NHSL1: variants seen among roughly 807,000 people sequenced by gnomAD.
NHSL1 encodes the protein NHS-like protein 1.
Under a neutral mutation model 95.0 loss-of-function variants are expected in NHSL1, and 48 were observed. That is an observed-to-expected ratio of 0.51 (90% confidence interval 0.40 to 0.64). The LOEUF is 0.64. Among genes scored for constraint, NHSL1 ranks in the 30% least tolerant of loss-of-function variants. NHSL1 has a pLI of 0.00. For missense variants in NHSL1, 1,971 were observed against 2,077.7 expected (o/e 0.95, Z 1.00); for synonymous variants, 783 against 833.9 (o/e 0.94, Z 1.05).
chr6:138,446,821 T>C (rs1776892302), intron 4 of NHSL1, 180 bp downstream of exon 4: 1 of 616,360 alleles, frequency 1.6e-6, no homozygotes, highest in Admixed American at 3.0e-5. Flanking sequence ...CAACAAGCAG[T>C]AGACATTTTA....
intron 1 of NHSL1, among the ~76,000 whole-genome samples, chr6:138,597,097 G>A (rs537821691): frequency 1.3e-5 from 2 of 152,250 alleles, no homozygotes; most frequent in African/African-American, 4.8e-5. Context: ...GGAGGCAGAG[G>A]CTGCAGTGAG....
intron 1 of NHSL1, among the ~76,000 whole-genome samples, chr6:138,626,755 G>A (rs1784743437): frequency 8.6e-6 from 1 of 116,694 alleles, no homozygotes; most frequent in Middle Eastern, 3.9e-3. Context: ...TTAGCCGGGC[G>A]TAGTGGCGGG....
chr6:138,657,509 T>C (rs1054698557), intron 1 of NHSL1, among the ~76,000 whole-genome samples: 13 of 151,844 alleles, frequency 8.6e-5, no homozygotes, highest in African/African-American at 2.9e-4. Flanking sequence ...ATGAACTAAA[T>C]ATAGGTAAGA....
intron 1 of NHSL1, among the ~76,000 whole-genome samples, chr6:138,529,882 C>G (rs1038462889): frequency 6.6e-6 from 1 of 152,146 alleles, no homozygotes; most frequent in Non-Finnish European, 1.5e-5. Flanking sequence ...TGAAAAGTCC[C>G]TTTTTGCCAT....
intron 1 of NHSL1, among the ~76,000 whole-genome samples, chr6:138,601,881 C>T (rs1583443391): frequency 6.6e-6 from 1 of 151,936 alleles, no homozygotes; most frequent in Non-Finnish European, 1.5e-5. Context: ...TATTTAATAA[C>T]AAAAACAAAA....
chr6:138,657,234 C>T (rs537275437), intron 1 of NHSL1, among the ~76,000 whole-genome samples: 45 of 152,320 alleles, frequency 3.0e-4, no homozygotes, highest in African/African-American at 1.1e-3. Flanking sequence ...CATTCAGGAC[C>T]TGGCTCCTCC....
intron 5 of NHSL1, among the ~76,000 whole-genome samples, chr6:138,438,879 G>GTT (rs1375701990): frequency 2.3e-4 from 35 of 151,902 alleles, no homozygotes; most frequent in Admixed American, 2.0e-3. Flanking sequence ...GTAGCCAAGT[G>GTT]TTATATATAT....
chr6:138,508,435 T>C (rs1195645440), intron 1 of NHSL1, among the ~76,000 whole-genome samples: 1 of 152,246 alleles, frequency 6.6e-6, no homozygotes, highest in African/African-American at 2.4e-5. Flanking sequence ...GGAGATTTCA[T>C]AGGCCCCTAG....
intron 3 of NHSL1, among the ~76,000 whole-genome samples, chr6:138,449,576 T>C (rs374340788): frequency 5.9e-5 from 9 of 151,774 alleles, no homozygotes; most frequent in East Asian, 3.9e-4. Context: ...ACTCGGGAGG[T>C]TAAGGCAGGA....
chr6:138,460,216 G>A (rs1307601361), intron 3 of NHSL1, among the ~76,000 whole-genome samples: 3 of 151,856 alleles, frequency 2.0e-5, no homozygotes, highest in South Asian at 2.1e-4. Flanking sequence ...TGATGTAAAC[G>A]TTTGATAAGA....
At chr6:138,535,302 A>G (rs1019840170) in intron 1 of NHSL1, among the ~76,000 whole-genome samples, 1 of 152,156 alleles carries the variant, frequency 6.6e-6, no homozygotes, top group South Asian at 2.1e-4. Flanking sequence ...AGTGGCTCAC[A>G]CCTATAATTC....
At chr6:138,678,606 C>G (rs183905430) in intron 1 of NHSL1, among the ~76,000 whole-genome samples, 1 of 152,280 alleles carries the variant, frequency 6.6e-6, no homozygotes, top group Admixed American at 6.5e-5. Flanking sequence ...AGTATTTAAA[C>G]ACATTACAGA....
chr6:138,567,894 C>A (rs1027802134), intron 1 of NHSL1, among the ~76,000 whole-genome samples: 1 of 152,184 alleles, frequency 6.6e-6, no homozygotes, highest in Non-Finnish European at 1.5e-5. Context: ...TATCTGCTGA[C>A]CTGCCAATAC....
chr6:138,433,621 A>C lies in NHSL1; in HGVS notation c.724T>G (p.Ser242Ala). ...CAGCTATTGAACCTTCCTAGTGTAG[A>C]GTAGTGATCAGGGGTGTACACTGAG... ...GHSVYTPDHYSTLGRFNSCRS... is the reference protein window; with the variant it reads ...GHSVYTPDHYATLGRFNSCRS... Residue 242 changes from serine to alanine, a missense_variant, in exon 6 of 8, where the codon TCT becomes GCT. Physicochemically the swap from Ser to Ala is moderately conservative, Grantham distance 99. Coordinates refer to ENST00000343505, the MANE Select transcript of NHSL1 (RefSeq NM_001144060.2). 6.4e-7 allele frequency: 1 copy of C among 1,552,114 alleles called. No homozygotes were observed. The highest frequency in any genetic ancestry group is 8.7e-7 in the Non-Finnish European group (1 of 1,147,074).
rs185255956 is a variant in NHSL1 at position 138,429,872 on chromosome 6, C to T, written c.3953-29G>A. 261 of 1,535,540 alleles carry T rather than the reference C, an allele frequency of 1.7e-4. 1 individual carries two copies. The African/African-American group carries it at 2.9e-3, about 17-fold the overall frequency. On this transcript the variant is annotated intron_variant, in intron 6 of 7. Transcript: ENST00000343505. ...CAGAAGAGCAGGCAGGCATACAAGACGCACAAGTGACTGGAATTTCAGTCC... is the reference window on the plus strand; with the variant it reads ...CAGAAGAGCAGGCAGGCATACAAGATGCACAAGTGACTGGAATTTCAGTCC...
At chr6:138,429,968 G>A in intron 6 of NHSL1, 125 bp from the exon 7 acceptor site, 1 of 931,150 alleles carries the variant, frequency 1.1e-6, no homozygotes, top group East Asian at 2.7e-5. Context: ...GAGATGCCGT[G>A]GGTCTGTAGT....
At chr6:138,459,985 A>G (rs968625945) in intron 3 of NHSL1, among the ~76,000 whole-genome samples, 9 of 152,208 alleles carry the variant, frequency 5.9e-5, no homozygotes, top group South Asian at 2.1e-4. Context: ...TCTAATGCCA[A>G]TATTCATGAG....
intron 3 of NHSL1, among the ~76,000 whole-genome samples, chr6:138,465,030 T>C (rs2128238568): frequency 6.8e-6 from 1 of 146,352 alleles, no homozygotes; most frequent in East Asian, 2.0e-4. Flanking sequence ...CTGTATGTTT[T>C]ACATAAAGCA....
intron 1 of NHSL1, among the ~76,000 whole-genome samples, chr6:138,536,080 T>G (rs559532134): frequency 6.6e-6 from 1 of 152,216 alleles, no homozygotes; most frequent in Non-Finnish European, 1.5e-5. Flanking sequence ...GTAAAGGAAA[T>G]CTAGTCAAAC....
Sources: gnomAD v4.1 joint callset for allele counts (sites outside exome capture counted in the v4.1 genomes callset) on GRCh38, gnomAD v4.1.1 for gene constraint, MANE v1.5 for transcripts, NCBI Gene and HGNC (gene_info 2026-07-23, HGNC 2026-07-21) for gene names.